The following ZYG11A variants were observed in gnomAD, a reference collection of about 807,000 sequenced individuals.
ZYG11A encodes the protein zyg-11 family member A, cell cycle regulator, also known as protein zyg-11 homolog A.
ZYG11A carries 62 observed loss-of-function variants against 77.2 expected under a neutral mutation model. The observed-to-expected ratio is 0.80, with a 90% CI of 0.65 to 0.99. The LOEUF (loss-of-function observed/expected upper bound fraction) is 0.99, where lower values mean the gene tolerates loss of function less well. Among genes scored for constraint, ZYG11A ranks in the 50% least tolerant of loss-of-function variants. The pLI is 0.00. For missense variants in ZYG11A, 828 were observed against 896.8 expected (o/e 0.92, Z 0.98); for synonymous variants, 315 against 324.6 (o/e 0.97, Z 0.32).
chr1:52,892,807 T>C lies in ZYG11A; in HGVS notation c.2130T>C (p.Val710=), dbSNP rs1258018169. 6.4e-7 allele frequency: 1 copy of C among 1,551,602 alleles called. No homozygotes were observed. Among genetic ancestry groups the C allele is most frequent in the Admixed American group, 2.0e-5 (1 of 50,968 alleles). Residue 710 remains valine (V), a synonymous_variant, in exon 14 of 14, where the codon GTT becomes GTC. Transcript: ENST00000371528. ...CCAGCAAATACTGCAAAATGTTAGT[T>C]GAAGAAGAAGGATTGCAGCTTTTGT... ...KNPSKYCKML[V]EEEGLQLLCD... is the part of the protein sequence containing the mutation.
At chr1:52,878,949 C>CA (rs914463472) in intron 10 of ZYG11A, among the ~76,000 whole-genome samples, 710 of 27,166 alleles carry the variant, frequency 0.026, 38 homozygotes, top group Middle Eastern at 0.1. Context: ...AAACTCTGCT[C>CA]AAAAAAAAAA....
intron 1 of ZYG11A, among the ~76,000 whole-genome samples, chr1:52,848,340 T>G (rs1645640493): frequency 1.3e-5 from 2 of 152,026 alleles, no homozygotes; most frequent in Non-Finnish European, 2.9e-5. Flanking sequence ...TGATCATACC[T>G]TTTTTTTCTT....
chr1:52,890,203 GTTAC>G (rs927814077), intron 13 of ZYG11A, among the ~76,000 whole-genome samples: 1 of 136,536 alleles, frequency 7.3e-6, no homozygotes, highest in Non-Finnish European at 1.6e-5. Context: ...ATTCCAGATA[GTTAC>G]TTACTTTATT....
At chr1:52,867,048 T>C (rs1646039812) in intron 6 of ZYG11A, among the ~76,000 whole-genome samples, 1 of 152,222 alleles carries the variant, frequency 6.6e-6, no homozygotes, top group African/African-American at 2.4e-5. Flanking sequence ...TTGCAGTCTC[T>C]CAGATTCACA....
intron 3 of ZYG11A, among the ~76,000 whole-genome samples, chr1:52,859,511 AT>A: frequency 6.8e-6 from 1 of 147,202 alleles, no homozygotes; most frequent in East Asian, 2.1e-4. Flanking sequence ...AATTTTTTGT[AT>A]TTTTAGTAGA....
chr1:52,859,077 A>C (rs1453041919), intron 3 of ZYG11A, among the ~76,000 whole-genome samples: 3 of 151,450 alleles, frequency 2.0e-5, no homozygotes, highest in Non-Finnish European at 4.4e-5. Context: ...TAATTAATTA[A>C]TTTTTTATTG....
intron 3 of ZYG11A, among the ~76,000 whole-genome samples, chr1:52,858,485 A>G (rs1233430099): frequency 6.9e-6 from 1 of 144,548 alleles, no homozygotes; most frequent in Non-Finnish European, 1.5e-5. Context: ...TTTTATTTTT[A>G]GTAGAGACGG....
At position 52,887,023 on chromosome 1, in the gene ZYG11A, T is replaced by C; in HGVS notation, c.2074T>C (p.Trp692Arg). Residue 692 changes from tryptophan (W) to arginine (R), a missense_variant, in exon 13 of 14, where the codon TGG (tryptophan) becomes CGG (arginine). Coordinates refer to ENST00000371528, the MANE Select transcript of ZYG11A (RefSeq NM_001004339.3). ...SQPEVQLWAL[W>R]AMYHVCSKNP... ...ACCAGAGGTTCAGCTCTGGGCACTATGGGCTATGTATCATGTCTGCAGTAA... is the reference window on the plus strand; with the variant it reads ...ACCAGAGGTTCAGCTCTGGGCACTACGGGCTATGTATCATGTCTGCAGTAA... 6.5e-7 allele frequency: 1 copy of C among 1,546,448 alleles called. No homozygotes were observed. The highest frequency in any genetic ancestry group is 8.7e-7 in the Non-Finnish European group (1 of 1,143,014).
At chr1:52,883,401 G>A (rs1571878690) in intron 11 of ZYG11A, among the ~76,000 whole-genome samples, 1 of 150,356 alleles carries the variant, frequency 6.7e-6, no homozygotes, top group African/African-American at 2.5e-5. Flanking sequence ...TAGGATTACA[G>A]GTGTGAGCCA....
intron 3 of ZYG11A, 147 bp downstream of exon 3, chr1:52,857,896 A>G (rs932649105): frequency 1.7e-6 from 1 of 590,152 alleles, no homozygotes; most frequent in East Asian, 3.0e-5. Context: ...AATGATTATT[A>G]TGTACCTACT....
At chr1:52,849,567 C>G (rs1163229512) in intron 1 of ZYG11A, among the ~76,000 whole-genome samples, 1 of 152,002 alleles carries the variant, frequency 6.6e-6, no homozygotes, top group Non-Finnish European at 1.5e-5. Context: ...GGAGTTTCAC[C>G]ATGTTGGCCA....
chr1:52,850,509 G>A (rs1010184825), intron 1 of ZYG11A, among the ~76,000 whole-genome samples: 4 of 151,990 alleles, frequency 2.6e-5, no homozygotes, highest in East Asian at 3.9e-4. Flanking sequence ...TAATAGAGAC[G>A]GGGTTTCACC....
At chr1:52,851,843 G>T (rs1014645257) in intron 1 of ZYG11A, among the ~76,000 whole-genome samples, 7 of 149,844 alleles carry the variant, frequency 4.7e-5, no homozygotes, top group African/African-American at 1.7e-4. Flanking sequence ...CACCTCCCTC[G>T]TTCAAGTGAT....
intron 1 of ZYG11A, among the ~76,000 whole-genome samples, chr1:52,847,340 C>G (rs1343233523): frequency 6.6e-6 from 1 of 152,198 alleles, no homozygotes; most frequent in Admixed American, 6.5e-5. Context: ...GCTGGGATTA[C>G]AGGTGTGAAC....
Position 52,881,456 on chromosome 1 carries a change from C to A in ZYG11A, c.1750-15C>A, listed in dbSNP as rs1391661560. On this transcript the variant is annotated splice_polypyrimidine_tract_variant and intron_variant, in intron 10 of 13. Coordinates refer to ENST00000371528, the MANE Select transcript of ZYG11A (RefSeq NM_001004339.3). ...CTTCTTGTCTCTGGGGTTCTCTGCT[C>A]CATCTGACCTGTAGAACAACATAGC... The A allele has an allele frequency of 7.2e-6, 11 of 1,524,604 alleles. No homozygotes were observed. The highest frequency in any genetic ancestry group is 2.5e-5 in the South Asian group (2 of 79,538). 94.4% of individuals were successfully genotyped at this position (1,524,604 alleles called of 1,614,324 possible). A position where few individuals can be genotyped will look rare whatever the true frequency, so the allele number is the denominator to read the frequency against.
At chr1:52,871,451 T>C (rs534935409) in intron 8 of ZYG11A, among the ~76,000 whole-genome samples, 2 of 152,240 alleles carry the variant, frequency 1.3e-5, no homozygotes, top group Admixed American at 6.6e-5. Flanking sequence ...ATTTTTGGAC[T>C]TTATTCTGTT....
Position 52,881,410 on chromosome 1 carries a change from C to G in ZYG11A, c.1750-61C>G, listed in dbSNP as rs948804519. 7 of 1,284,578 alleles carry G rather than the reference C, an allele frequency of 5.4e-6. No individual in the cohort carries two copies. In the African/African-American group the frequency reaches 1.1e-4, roughly 19 times the overall value. The allele number at this position is 1,284,578 out of a possible 1,614,324, so 79.6% of individuals were successfully genotyped here. A position where few individuals can be genotyped will look rare whatever the true frequency, so the allele number is the denominator to read the frequency against. On this transcript the variant is annotated intron_variant, in intron 10 of 13. Coordinates refer to ENST00000371528, the MANE Select transcript of ZYG11A (RefSeq NM_001004339.3). Reference sequence around the variant, plus strand: ...TGAGAAGCAGGAAAGGGAAAAAAGCCAATTCCTGATTCTCCCCTCCCTTCT... The same window carrying G: ...TGAGAAGCAGGAAAGGGAAAAAAGCGAATTCCTGATTCTCCCCTCCCTTCT...
At chr1:52,851,722 TTTAA>T (rs930410040) in intron 1 of ZYG11A, among the ~76,000 whole-genome samples, 5 of 151,548 alleles carry the variant, frequency 3.3e-5, no homozygotes, top group African/African-American at 9.7e-5. Flanking sequence ...TATTATTTAT[TTTAA>T]TTAATTTATT....
intron 1 of ZYG11A, among the ~76,000 whole-genome samples, chr1:52,850,670 G>A (rs188985614): frequency 6.6e-6 from 1 of 152,246 alleles, no homozygotes; most frequent in African/African-American, 2.4e-5. Flanking sequence ...TGGCTAGGAT[G>A]GTCTGTATCT....
Sources: allele counts gnomAD v4.1 joint callset (sites outside exome capture counted in the v4.1 genomes callset), GRCh38; gene constraint gnomAD v4.1.1; transcripts MANE v1.5; gene names NCBI Gene and HGNC (gene_info 2026-07-23, HGNC 2026-07-21).